The following AP2B1 variants were observed in gnomAD, a reference collection of about 807,000 sequenced individuals.
The protein encoded by AP2B1 is AP-2 complex subunit beta.
In AP2B1, 23 loss-of-function variants were observed where a neutral mutation model predicts 102.0. The observed-to-expected ratio is 0.23, with a 90% confidence interval of 0.16 to 0.32. The LOEUF is 0.32. Ranked by LOEUF, AP2B1 falls within the 10% of genes least tolerant of loss-of-function variation. AP2B1 has a pLI of 1.00. For missense variants in AP2B1, 541 were observed against 1,157.4 expected (o/e 0.47, Z 7.73); for synonymous variants, 381 against 421.2 (o/e 0.90, Z 1.17).
chr17:35,718,462 A>G (rs1298942138), intron 21 of AP2B1, among the ~76,000 whole-genome samples: 1 of 151,528 alleles, frequency 6.6e-6, no homozygotes, highest in Non-Finnish European at 1.5e-5. Flanking sequence ...CCAACCCCCC[A>G]CCAGTCTCAT....
At chr17:35,670,956 C>T (rs2142953473) in intron 15 of AP2B1, 58 bp downstream of exon 15, 2 of 1,558,230 alleles carry the variant, frequency 1.3e-6, no homozygotes, top group East Asian at 2.2e-5. Flanking sequence ...TGATGCCTTT[C>T]CTATGTACAC....
chr17:35,709,049 GAGTA>G (rs1411532106), intron 18 of AP2B1, among the ~76,000 whole-genome samples, 171 bp from the exon 19 acceptor site: 1 of 152,154 alleles, frequency 6.6e-6, no homozygotes, highest in Admixed American at 6.5e-5. Flanking sequence ...TATGACAATG[GAGTA>G]AGTAAGGGTG....
intron 20 of AP2B1, among the ~76,000 whole-genome samples, chr17:35,715,527 A>ATT (rs59143938): frequency 0.01 from 1,528 of 152,308 alleles, 20 homozygotes; most frequent in African/African-American, 0.035. Flanking sequence ...GTTAGGAATG[A>ATT]TTTTTACAAC....
At chr17:35,650,929 C>A in intron 13 of AP2B1, 140 bp downstream of exon 13, 1 of 997,792 alleles carries the variant, frequency 1.0e-6, no homozygotes, top group Non-Finnish European at 1.5e-6. Context: ...AAAAGAACTG[C>A]TGTACATTTT....
intron 14 of AP2B1, chr17:35,659,625 G>A (rs1428818505): frequency 1.1e-5 from 2 of 185,804 alleles, no homozygotes; most frequent in Non-Finnish European, 2.0e-5. Flanking sequence ...TTCTTTTGGG[G>A]ATGGGAAAGT....
intron 19 of AP2B1, 131 bp downstream of exon 19, chr17:35,709,439 C>T (rs2076405268): frequency 1.5e-6 from 1 of 689,050 alleles, no homozygotes; most frequent in Admixed American, 2.5e-5. Flanking sequence ...TTCTAAAGCT[C>T]TTAATAATTG....
At chr17:35,606,242 A>T (rs1567792568) in intron 4 of AP2B1, among the ~76,000 whole-genome samples, 1 of 145,314 alleles carries the variant, frequency 6.9e-6, no homozygotes, top group African/African-American at 2.5e-5. Context: ...CATTTGATTA[A>T]TTTTTTTTTT....
rs573402200 is a variant in AP2B1, at chr17:35,643,666, C to T, written c.1536+1691C>T. On this transcript the variant is annotated intron_variant, in intron 12 of 21. Transcript: ENST00000610402. ...AGCATTATTAATAGACATCTGGATA[C>T]CTGGACTGCATTGTTTTTGACCCCT... 8.3e-4 allele frequency among the ~76,000 whole-genome samples: 127 copies of T among 152,306 alleles called. 2 individuals are homozygous for T. Among genetic ancestry groups the T allele is most frequent in the African/African-American group, 2.8e-3 (117 of 41,568 alleles).
intron 5 of AP2B1, among the ~76,000 whole-genome samples, chr17:35,614,655 T>A (rs371791699): frequency 1.1e-4 from 10 of 93,160 alleles, no homozygotes; most frequent in East Asian, 3.2e-4. Flanking sequence ...GTTGAATTAG[T>A]AAAAAAAAAA....
chr17:35,645,702 A>G (rs1232207269), intron 12 of AP2B1, among the ~76,000 whole-genome samples: 1 of 152,114 alleles, frequency 6.6e-6, no homozygotes, highest in Non-Finnish European at 1.5e-5. Context: ...ATATAAAATT[A>G]GCCGAGCGTG....
intron 11 of AP2B1, among the ~76,000 whole-genome samples, chr17:35,640,089 A>G (rs923109342): frequency 1.3e-5 from 2 of 150,958 alleles, no homozygotes; most frequent in East Asian, 3.9e-4. Flanking sequence ...GCTAATTTTT[A>G]TATTTTTAGT....
chr17:35,606,024 C>T (rs1175405831), intron 4 of AP2B1, among the ~76,000 whole-genome samples, 184 bp downstream of exon 4: 1 of 152,150 alleles, frequency 6.6e-6, no homozygotes, highest in Non-Finnish European at 1.5e-5. Flanking sequence ...GTTAGTGGGG[C>T]TTGGTGCATC....
rs144873592 is a variant in AP2B1, at chr17:35,613,009, T to G, written c.525+4622T>G. On this transcript the variant is annotated intron_variant, in intron 5 of 21. Coordinates refer to ENST00000610402, the MANE Select transcript of AP2B1 (RefSeq NM_001030006.2). ...GAAATCTCAAAAAAGAAAAAAAAAA[T>G]GAAAGATACAAAAAAAAAAGAAATA... 3.0e-3 allele frequency among the ~76,000 whole-genome samples: 444 copies of G among 147,740 alleles called. 4 individuals carry two copies. Among genetic ancestry groups the G allele is most frequent in the Non-Finnish European group, 2.1e-3 (137 of 66,798 alleles).
intron 10 of AP2B1, among the ~76,000 whole-genome samples, chr17:35,637,991 T>A (rs1233029647): frequency 7.3e-4 from 111 of 151,658 alleles, no homozygotes; most frequent in Admixed American, 7.2e-3. Context: ...CAGCCTAAAC[T>A]TTTTTTAATT....
chr17:35,608,317 A>G lies in AP2B1; in HGVS notation c.455A>G (p.Asn152Ser), dbSNP rs534967720. The G allele has an allele frequency of 4.3e-6, 7 of 1,614,090 alleles. No individual in the cohort carries two copies. The highest frequency in any genetic ancestry group is 1.1e-5 in the South Asian group (1 of 91,094). The change falls in exon 5 of 22, where the codon AAT becomes AGT. Residue 152 changes from asparagine to serine, a missense_variant. Around this residue, in one of 10 missense-constraint regions of AP2B1, gnomAD observed 134 missense variants for 250.2 expected, o/e 0.54. Coordinates refer to ENST00000610402, the MANE Select transcript of AP2B1 (RefSeq NM_001030006.2). ...TGCGTGGCAAAACTCCATGATATCA[A>G]TGCCCAAATGGTGGAAGATCAGGGA... ...AVCVAKLHDI[N>S]AQMVEDQGFL...
chr17:35,610,859 G>A lies in AP2B1; in HGVS notation c.525+2472G>A, dbSNP rs532755843. On this transcript the variant is annotated intron_variant, in intron 5 of 21. Coordinates refer to ENST00000610402, the MANE Select transcript of AP2B1 (RefSeq NM_001030006.2). ...GAGGCGGAGCTTGCAGTGAGCCGAG[G>A]TCGTGCCACTGCATTCCAGCCTGGG... Among the ~76,000 whole-genome samples the A allele has an allele frequency of 3.3e-5, 5 of 150,320 alleles. No individual in the cohort carries two copies. In the South Asian group the frequency reaches 1.0e-3, roughly 32 times the overall value.
intron 9 of AP2B1, among the ~76,000 whole-genome samples, chr17:35,633,431 T>C (rs1335202312): frequency 6.6e-6 from 1 of 152,020 alleles, no homozygotes; most frequent in Non-Finnish European, 1.5e-5. Context: ...CTCATATAAA[T>C]GATCTCAAGG....
intron 5 of AP2B1, among the ~76,000 whole-genome samples, chr17:35,617,885 T>G (rs1271272398): frequency 1.3e-5 from 2 of 152,254 alleles, no homozygotes; most frequent in African/African-American, 4.8e-5. Context: ...TTTATTTGTT[T>G]ATCGATATTT....
intron 18 of AP2B1, among the ~76,000 whole-genome samples, chr17:35,692,780 A>G (rs930972126): frequency 2.6e-5 from 4 of 152,312 alleles, no homozygotes; most frequent in African/African-American, 9.6e-5. Context: ...GACCATGTAC[A>G]CATAAGGAAT....
Sources: allele counts gnomAD v4.1 joint callset (sites outside exome capture counted in the v4.1 genomes callset), GRCh38; gene constraint gnomAD v4.1.1; regional missense constraint gnomAD v4.1.1; transcripts MANE v1.5; gene names NCBI Gene and HGNC (gene_info 2026-07-23, HGNC 2026-07-21).